Variants in RBFOX1 observed in about 807,000 individuals in gnomAD.
RBFOX1 encodes the protein RNA binding fox-1 homolog 1.
Under a neutral mutation model 57.7 loss-of-function variants are expected in RBFOX1, and 8 were observed. The observed-to-expected ratio is 0.14, with a 90% CI of 0.08 to 0.25. The LOEUF (loss-of-function observed/expected upper bound fraction) is 0.25. Among genes scored for constraint, RBFOX1 ranks in the 10% least tolerant of loss-of-function variants. The probability of loss-of-function intolerance (pLI) is 1.00; values close to 1 mark genes in which losing one functional copy is unlikely to be tolerated. For missense variants in RBFOX1, 611 were observed against 548.5 expected, an observed-to-expected ratio of 1.11 and a Z score of -1.14; for synonymous variants, 326 against 222.4, an observed-to-expected ratio of 1.47 and a Z score of -4.15.
intron 3 of RBFOX1, among the ~76,000 whole-genome samples, chr16:6,974,960 A>G (rs1163047930): frequency 2.6e-5 from 4 of 152,210 alleles, no homozygotes; most frequent in African/African-American, 9.6e-5. Context: ...TTGTTCTAAA[A>G]GAATCTTCCT....
intron 2 of RBFOX1, among the ~76,000 whole-genome samples, chr16:5,535,251 C>G (rs1454768971): frequency 6.6e-6 from 1 of 152,208 alleles, no homozygotes; most frequent in Non-Finnish European, 1.5e-5. Context: ...ATGAACAGCT[C>G]ATCAACTCCA....
At chr16:5,291,413 C>A (rs1229293011) in intron 1 of RBFOX1, among the ~76,000 whole-genome samples, 1 of 152,126 alleles carries the variant, frequency 6.6e-6, no homozygotes, top group Non-Finnish European at 1.5e-5. Context: ...CAGGCACCCG[C>A]CACCACGCCC....
At chr16:6,207,060 G>C (rs908186244) in intron 1 of RBFOX1, among the ~76,000 whole-genome samples, 2 of 150,306 alleles carry the variant, frequency 1.3e-5, no homozygotes, top group Admixed American at 1.3e-4. Context: ...ATTTGGAGTT[G>C]CTGAGAAGTT....
intron 3 of RBFOX1, among the ~76,000 whole-genome samples, chr16:6,663,809 G>C (rs908396270): frequency 3.9e-5 from 6 of 152,236 alleles, no homozygotes; most frequent in Admixed American, 3.9e-4. Flanking sequence ...GAAGGGAGAT[G>C]GGGTGGAGAG....
At position 5,968,231 on chromosome 16, in the gene RBFOX1, T is replaced by C. The variant is rs139859378; in HGVS notation, c.351+100896T>C. 5.5e-3 allele frequency among the ~76,000 whole-genome samples: 831 copies of C among 152,112 alleles called. 1 individual carries two copies. The highest frequency in any genetic ancestry group is 0.016 in the East Asian group (85 of 5,160). ...CTGGGATTATGGGCATGTACCACCA[T>C]GCCCGGTTAATTTTTGTATTTTTAG... On this transcript the variant is annotated intron_variant, in intron 4 of 19. Coordinates refer to the RBFOX1 transcript ENST00000641259.
At chr16:6,069,189 G>A (rs1023592987) in intron 1 of RBFOX1, among the ~76,000 whole-genome samples, 3 of 151,766 alleles carry the variant, frequency 2.0e-5, no homozygotes, top group African/African-American at 7.3e-5. Context: ...ACCTGAGGTC[G>A]GGAGTTGGAG....
chr16:6,201,588 G>C (rs752043887), intron 1 of RBFOX1, among the ~76,000 whole-genome samples: 14 of 151,996 alleles, frequency 9.2e-5, no homozygotes, highest in Non-Finnish European at 1.5e-4. Flanking sequence ...GAATGAATGA[G>C]GTCTAATGTT....
chr16:5,518,216 T>C lies in RBFOX1; in HGVS notation c.258+50962T>C, dbSNP rs187545046. Among the ~76,000 whole-genome samples the C allele has an allele frequency of 6.0e-4, 92 of 152,294 alleles. 1 individual carries two copies. The highest frequency in any genetic ancestry group is 2.1e-3 in the African/African-American group (87 of 41,568). ...TAATGTGATGGATGATGTTCCTTGGTTGAAACTAAATCACTTCTCATAAAG... is the reference window on the plus strand; with the variant it reads ...TAATGTGATGGATGATGTTCCTTGGCTGAAACTAAATCACTTCTCATAAAG... On this transcript the variant is annotated intron_variant, in intron 2 of 2. Coordinates refer to the RBFOX1 transcript ENST00000585867.
intron 11 of RBFOX1, among the ~76,000 whole-genome samples, chr16:7,632,958 A>G (rs1335559639): frequency 6.6e-6 from 1 of 152,200 alleles, no homozygotes; most frequent in Non-Finnish European, 1.5e-5. Flanking sequence ...TGAATTGGGG[A>G]AGCATCTCTC....
intron 4 of RBFOX1, among the ~76,000 whole-genome samples, chr16:5,910,949 G>A (rs529045844): frequency 5.3e-4 from 81 of 152,254 alleles, no homozygotes; most frequent in Non-Finnish European, 9.3e-4. Flanking sequence ...GTTCCCCAAA[G>A]GGATCAAGCT....
intron 5 of RBFOX1, among the ~76,000 whole-genome samples, chr16:7,567,623 A>ATATATATATCCCTATATATGGCCC (rs2092180364): frequency 1.4e-4 from 6 of 43,518 alleles, no homozygotes; most frequent in East Asian, 3.1e-3. Flanking sequence ...ATGGCCCTAT[A>ATATATATATCCCTATATATGGCCC]TATATATATA....
chr16:6,240,308 T>C (rs1248085139), intron 1 of RBFOX1, among the ~76,000 whole-genome samples: 1 of 152,166 alleles, frequency 6.6e-6, no homozygotes, highest in Admixed American at 6.6e-5. Context: ...CGGTGTCCTA[T>C]ATGGGGACTA....
rs900851960 is a variant in RBFOX1 at position 5,875,484 on chromosome 16, T to C, written c.351+8149T>C. The stretch of plus-strand genomic sequence containing the variant: ...GGGGACAATTAAAGAATGAACCTTA[T>C]GGCTTATTCTGAGAAGTGGAAAGGC... On this transcript the variant is annotated intron_variant, in intron 4 of 19. Coordinates refer to the RBFOX1 transcript ENST00000641259. Among the ~76,000 whole-genome samples, 8 of 152,208 alleles carry C rather than the reference T, an allele frequency of 5.3e-5. 1 individual carries two copies. The highest frequency in any genetic ancestry group is 6.5e-5 in the Admixed American group (1 of 15,284).
chr16:7,189,974 A>G (rs1024168039), intron 4 of RBFOX1, among the ~76,000 whole-genome samples: 2 of 152,236 alleles, frequency 1.3e-5, no homozygotes, highest in Non-Finnish European at 2.9e-5. Flanking sequence ...AGAGTTCTTC[A>G]TTGAGCAATG....
At chr16:6,863,866 C>A (rs10153074) in intron 3 of RBFOX1, among the ~76,000 whole-genome samples, 2,136 of 151,018 alleles carry the variant, frequency 0.014, 53 homozygotes, top group African/African-American at 0.049. Flanking sequence ...AAGTTCTTTA[C>A]TGGTATTTTG....
intron 3 of RBFOX1, among the ~76,000 whole-genome samples, chr16:6,670,434 T>A (rs541276761): frequency 1.3e-5 from 2 of 152,276 alleles, no homozygotes; most frequent in Middle Eastern, 3.4e-3. Flanking sequence ...ATTCACCAAT[T>A]CATAAGTTGA....
chr16:7,049,462 T>C (rs940531870), intron 3 of RBFOX1, among the ~76,000 whole-genome samples: 1 of 145,996 alleles, frequency 6.8e-6, no homozygotes, highest in African/African-American at 2.6e-5. Context: ...GAAAGAACAG[T>C]AATAAAAAAA....
At chr16:7,311,706 G>A (rs967368396) in intron 4 of RBFOX1, among the ~76,000 whole-genome samples, 1 of 152,154 alleles carries the variant, frequency 6.6e-6, no homozygotes, top group African/African-American at 2.4e-5. Context: ...ACACACTGCA[G>A]TAGCCAGCTG....
At chr16:5,737,664 C>G (rs941076308) in intron 3 of RBFOX1, among the ~76,000 whole-genome samples, 2 of 151,762 alleles carry the variant, frequency 1.3e-5, no homozygotes, top group African/African-American at 4.8e-5. Flanking sequence ...TGGGGTCTTC[C>G]TTTGCACTGT....
Sources: allele counts gnomAD v4.1 joint callset (sites outside exome capture counted in the v4.1 genomes callset), GRCh38; gene constraint gnomAD v4.1.1; transcripts MANE v1.5; gene names NCBI Gene and HGNC (gene_info 2026-07-23, HGNC 2026-07-21).